VWC2: variants seen among roughly 807,000 people sequenced by gnomAD.
VWC2 encodes the protein von Willebrand factor C domain containing 2.
In VWC2, 14 loss-of-function variants were observed where a neutral mutation model predicts 29.8. The observed-to-expected ratio is 0.47, with a 90% CI of 0.31 to 0.74. The LOEUF (loss-of-function observed/expected upper bound fraction) is 0.74, where lower values mean the gene tolerates loss of function less well. Among genes scored for constraint, VWC2 ranks in the 30% least tolerant of loss-of-function variants. VWC2 has a pLI of 0.05. For synonymous variants in VWC2, 213 were observed against 199.0 expected, an observed-to-expected ratio of 1.07 and a Z score of -0.59; for missense variants, 457 against 459.8, an observed-to-expected ratio of 0.99 and a Z score of 0.05.
intron 2 of VWC2, among the ~76,000 whole-genome samples, chr7:49,788,562 T>C (rs945011133): frequency 4.9e-5 from 7 of 141,910 alleles, no homozygotes; most frequent in African/African-American, 2.1e-4. Context: ...TGTGAGAGTG[T>C]GTGAGTGTGG....
chr7:49,919,845 T>C lies in VWC2; in HGVS notation c.*7660T>C, dbSNP rs1393310857. 1 of 152,220 alleles carries C rather than the reference T, an allele frequency of 6.6e-6. No individual in the cohort carries two copies. Among genetic ancestry groups the C allele is most frequent in the African/African-American group, 2.4e-5 (1 of 41,456 alleles). 9.4% of individuals were successfully genotyped at this position (152,220 alleles called of 1,614,324 possible). A position where few individuals can be genotyped will look rare whatever the true frequency, so the allele number is the denominator to read the frequency against. ...CAAGAAAAAGATTTTCATTTTAAGA[T>C]AGGCATCAGTGCAATAAAGGAGCTT... On this transcript the variant is annotated 3_prime_UTR_variant, in exon 4 of 4. Coordinates refer to ENST00000340652, the MANE Select transcript of VWC2 (RefSeq NM_198570.5).
At chr7:49,799,226 AAGGTGGGTTCATGGGTT>A (rs1425530886) in intron 2 of VWC2, among the ~76,000 whole-genome samples, 1 of 152,168 alleles carries the variant, frequency 6.6e-6, no homozygotes, top group Non-Finnish European at 1.5e-5. Flanking sequence ...GTTTTACTGG[AAGGTGGGTTCATGGGTT>A]AGGATTGGAA....
chr7:49,803,216 G>A (rs1562711518), intron 3 of VWC2, among the ~76,000 whole-genome samples: 2 of 152,196 alleles, frequency 1.3e-5, no homozygotes. Context: ...AATGAAACTT[G>A]GAACATAATT....
chr7:49,908,281 C>A (rs573623010), intron 3 of VWC2, among the ~76,000 whole-genome samples: 1 of 152,236 alleles, frequency 6.6e-6, no homozygotes, highest in Non-Finnish European at 1.5e-5. Flanking sequence ...GCCTACATTT[C>A]ATCATGACCT....
chr7:49,774,380 C>G (rs991705812), intron 1 of VWC2, among the ~76,000 whole-genome samples: 1 of 152,162 alleles, frequency 6.6e-6, no homozygotes, highest in African/African-American at 2.4e-5. Context: ...AGAGTGGGGG[C>G]GTTCGGGGAG....
At chr7:49,875,093 C>T (rs1038845957) in intron 3 of VWC2, among the ~76,000 whole-genome samples, 24 of 151,654 alleles carry the variant, frequency 1.6e-4, no homozygotes, top group African/African-American at 5.3e-4. Context: ...AAAAATTGGC[C>T]GGGCACGGTG....
intron 2 of VWC2, among the ~76,000 whole-genome samples, chr7:49,792,891 T>C (rs1336449044): frequency 6.6e-6 from 1 of 152,192 alleles, no homozygotes; most frequent in Non-Finnish European, 1.5e-5. Context: ...TGCCTGAGGC[T>C]ACAGGGCACG....
intron 3 of VWC2, among the ~76,000 whole-genome samples, chr7:49,867,839 TA>T (rs1341496283): frequency 8.0e-4 from 65 of 81,274 alleles, no homozygotes; most frequent in East Asian, 9.0e-4. Flanking sequence ...TTTATTATTT[TA>T]TTTTATTTTT....
At chr7:49,898,158 T>C (rs541514875) in intron 3 of VWC2, among the ~76,000 whole-genome samples, 6 of 152,178 alleles carry the variant, frequency 3.9e-5, no homozygotes, top group Middle Eastern at 6.8e-3. Context: ...TATATATGTG[T>C]ATGCTTTATA....
In VWC2 at chr7:49,808,617, T is replaced by C. The variant is rs1483800; in HGVS notation, c.826+5777T>C. Among the ~76,000 whole-genome samples the C allele has an allele frequency of 1.4e-3, 220 of 152,168 alleles. 1 individual carries two copies. The highest frequency in any genetic ancestry group is 5.1e-3 in the African/African-American group (214 of 41,556). On this transcript the variant is annotated intron_variant, in intron 3 of 3. Coordinates refer to ENST00000340652, the MANE Select transcript of VWC2 (RefSeq NM_198570.5). ...TGGACACTGTCTACAGTTGACCCTA[T>C]GCTAAGACATAAAACAAGTCTCAAT...
At chr7:49,847,738 G>T (rs182749717) in intron 3 of VWC2, among the ~76,000 whole-genome samples, 41 of 152,274 alleles carry the variant, frequency 2.7e-4, no homozygotes, top group South Asian at 8.3e-4. Flanking sequence ...TTGGCTACTT[G>T]GAGTGATTTC....
chr7:49,864,051 C>T (rs691465), intron 3 of VWC2, among the ~76,000 whole-genome samples: 2,740 of 152,166 alleles, frequency 0.018, 88 homozygotes, highest in African/African-American at 0.063. Context: ...TCAGACTGCC[C>T]TTCTTCCAGA....
intron 3 of VWC2, among the ~76,000 whole-genome samples, chr7:49,824,535 T>A (rs1197934675): frequency 6.6e-6 from 1 of 152,160 alleles, no homozygotes; most frequent in Non-Finnish European, 1.5e-5. Flanking sequence ...TAAAATTCCC[T>A]TAACCTTTGC....
At chr7:49,846,795 T>G (rs544268895) in intron 3 of VWC2, among the ~76,000 whole-genome samples, 1 of 152,304 alleles carries the variant, frequency 6.6e-6, no homozygotes, top group South Asian at 2.1e-4. Flanking sequence ...TTTCCCTCCT[T>G]TATACATATG....
At chr7:49,882,039 C>T (rs1283191495) in intron 3 of VWC2, among the ~76,000 whole-genome samples, 2 of 151,670 alleles carry the variant, frequency 1.3e-5, no homozygotes, top group Non-Finnish European at 2.9e-5. Context: ...GCGCCATCTG[C>T]CAGCTTAACA....
At chr7:49,860,185 T>A (rs1273271385) in intron 3 of VWC2, among the ~76,000 whole-genome samples, 2 of 152,338 alleles carry the variant, frequency 1.3e-5, no homozygotes, top group East Asian at 3.9e-4. Context: ...TGTGCAATCA[T>A]CACCACTATT....
At chr7:49,793,307 C>T (rs1375082584) in intron 2 of VWC2, among the ~76,000 whole-genome samples, 1 of 151,588 alleles carries the variant, frequency 6.6e-6, no homozygotes, top group Non-Finnish European at 1.5e-5. Flanking sequence ...CTGGATGCCA[C>T]TTTTTTGTCA....
rs1793765740 is a variant in VWC2, at chr7:49,917,138, G to A, written c.*4953G>A. On this transcript the variant is annotated 3_prime_UTR_variant, in exon 4 of 4. Coordinates refer to ENST00000340652, the MANE Select transcript of VWC2 (RefSeq NM_198570.5). Reference sequence around the variant, plus strand: ...ATAACATAATTAAACACCTCAGTAGGTATCTAGTGAACTGATACAATAATG... The same window carrying A: ...ATAACATAATTAAACACCTCAGTAGATATCTAGTGAACTGATACAATAATG... 2 of 152,050 alleles carry A rather than the reference G, an allele frequency of 1.3e-5. No individual in the cohort carries two copies. The highest frequency in any genetic ancestry group is 2.9e-5 in the Non-Finnish European group (2 of 68,014). 9.4% of individuals were successfully genotyped at this position (152,050 alleles called of 1,614,324 possible). A position where few individuals can be genotyped will look rare whatever the true frequency, so the allele number is the denominator to read the frequency against.
chr7:49,775,682 G>T lies in VWC2; in HGVS notation c.247G>T (p.Gly83Trp). 1 of 1,524,252 alleles carries T rather than the reference G, an allele frequency of 6.6e-7. No individual in the cohort carries two copies. 94.4% of individuals were successfully genotyped at this position (1,524,252 alleles called of 1,614,324 possible). A position where few individuals can be genotyped will look rare whatever the true frequency, so the allele number is the denominator to read the frequency against. ...GGACTGGAAGAGCAAGAGCGGCCGT[G>T]GGCTCGCCGGCCGTGAGCCGTGGAG... ...GRDWKSKSGRGLAGREPWSKL... is the reference protein window; with the variant it reads ...GRDWKSKSGRWLAGREPWSKL... Residue 83 changes from glycine (G) to tryptophan (W), a missense_variant, in exon 2 of 4, where the codon GGG (glycine) becomes TGG (tryptophan). Gly to Trp is a radical substitution (Grantham distance 184). Around this residue, in one of 2 missense-constraint regions of VWC2, gnomAD observed 272 missense variants for 202.7 expected, o/e 1.34. Coordinates refer to ENST00000340652, the MANE Select transcript of VWC2 (RefSeq NM_198570.5).
Sources: allele counts gnomAD v4.1 joint callset (sites outside exome capture counted in the v4.1 genomes callset), GRCh38; gene constraint gnomAD v4.1.1; regional missense constraint gnomAD v4.1.1; transcripts MANE v1.5; gene names NCBI Gene and HGNC (gene_info 2026-07-23, HGNC 2026-07-21).